VSIG4: variants seen among roughly 807,000 people sequenced by gnomAD.
VSIG4 encodes the protein V-set and immunoglobulin domain-containing protein 4.
VSIG4 carries 34 observed loss-of-function variants against 23.4 expected under a neutral mutation model. That is an observed-to-expected ratio of 1.45 (90% CI 1.10 to 1.93). The LOEUF (loss-of-function observed/expected upper bound fraction) is 1.93. VSIG4 is among the 30% of genes most tolerant of loss of function. The probability of loss-of-function intolerance (pLI) is 0.00; values close to 1 mark genes in which losing one functional copy is unlikely to be tolerated. For missense variants in VSIG4, 433 were observed against 310.8 expected (o/e 1.39, Z -2.96); for synonymous variants, 169 against 120.3 (o/e 1.41, Z -2.65).
In VSIG4 at chrX:66,033,763, G is replaced by A; in HGVS notation, c.123C>T (p.Cys41=). ...TGTAGCCTTGCAGGGGGTCATAGGT[G>A]CAGGGAAGATTCACATCCCCTTTCC... ...GPWKGDVNLP[C]TYDPLQGYTQ... Residue 41 remains cysteine, a synonymous_variant, in exon 2 of 8, where the codon TGC becomes TGT. Transcript: ENST00000374737. The A allele has an allele frequency of 8.3e-7, 1 of 1,211,463 alleles. No individual in the cohort carries two copies. The highest frequency in any genetic ancestry group is 1.8e-5 in the South Asian group (1 of 56,965).
At position 66,032,549 on chromosome X, in the gene VSIG4, C is replaced by A; in HGVS notation, c.613G>T (p.Asp205Tyr). The A allele has an allele frequency of 8.3e-7, 1 of 1,211,306 alleles. No individual in the cohort carries two copies. The highest frequency in any genetic ancestry group is 1.1e-6 in the Non-Finnish European group (1 of 895,145). ...GCAGTGCAGAAATAGGAGCCTGAGT[C>A]GGCTATCACCGCAGGCTTGAAGAGT... ...TLLFKPAVIA[D>Y]SGSYFCTAKG... Residue 205 changes from aspartate to tyrosine, a missense_variant, in exon 3 of 8, where the codon GAC becomes TAC. By Grantham distance (160) the Asp-to-Tyr change is radical. Transcript: ENST00000374737.
In VSIG4 at chrX:66,025,061, C is replaced by T. The variant is rs749684558; in HGVS notation, c.904G>A (p.Ala302Thr). Reference protein sequence around the residue: ...SLCCMVVFTMAYIMLCRKTSQ... With the variant: ...SLCCMVVFTMTYIMLCRKTSQ... ...GTCTTCCGACAGAGCATGATATAGG[C>T]CATGGTAAAAACCACCATACAGCAC... Residue 302 changes from alanine (A) to threonine (T), a missense_variant, in exon 6 of 8, where the codon GCC (alanine) becomes ACC (threonine). Coordinates refer to ENST00000374737, the MANE Select transcript of VSIG4 (RefSeq NM_007268.3). The T allele has an allele frequency of 1.7e-6, 2 of 1,206,083 alleles. No homozygotes were observed. Among genetic ancestry groups the T allele is most frequent in the Middle Eastern group, 4.6e-4 (2 of 4,339 alleles).
At chrX:66,038,036 C>G (rs962131736) in intron 1 of VSIG4, among the ~76,000 whole-genome samples, 1 of 110,930 alleles carries the variant, frequency 9.0e-6, no homozygotes, top group East Asian at 2.8e-4. Context: ...GCTTCTCTCC[C>G]TTTCCTGGAA....
intron 2 of VSIG4, among the ~76,000 whole-genome samples, chrX:66,033,012 GTTCTGGGGCTCAAGTAGAGC>G (rs931803162): frequency 1.8e-5 from 2 of 111,584 alleles, no homozygotes; most frequent in African/African-American, 6.5e-5. Context: ...AATGTAGTTT[GTTCTGGGGCTCAAGTAGAGC>G]TTTTGATTAC....
chrX:66,029,544 G>A lies in VSIG4; in HGVS notation c.695-1432C>T, dbSNP rs781063627. On this transcript the variant is annotated intron_variant, in intron 3 of 7. Coordinates refer to ENST00000374737, the MANE Select transcript of VSIG4 (RefSeq NM_007268.3). ...TATATACTCAATAAATATTGAATAAGTTGATGACTTCGTAAGAATGTATGA... is the reference window on the plus strand; with the variant it reads ...TATATACTCAATAAATATTGAATAAATTGATGACTTCGTAAGAATGTATGA... Among the ~76,000 whole-genome samples, 7 of 111,480 alleles carry A rather than the reference G, an allele frequency of 6.3e-5. No homozygotes were observed. In the South Asian group the frequency reaches 1.5e-3, roughly 24 times the overall value.
intron 1 of VSIG4, among the ~76,000 whole-genome samples, chrX:66,036,043 AG>A (rs2085534547): frequency 8.9e-6 from 1 of 111,846 alleles, no homozygotes; most frequent in African/African-American, 3.3e-5. Context: ...TTCTGGAAGT[AG>A]GTCAGGCTTA....
At chrX:66,036,961 T>A (rs867849570) in intron 1 of VSIG4, among the ~76,000 whole-genome samples, 13 of 23,219 alleles carry the variant, frequency 5.6e-4, no homozygotes, top group East Asian at 1.3e-3. Flanking sequence ...TATATTATAT[T>A]ATATAATATA....
rs188431425 is a variant in VSIG4, at chrX:66,022,650, C to T, written c.963-150G>A. On this transcript the variant is annotated intron_variant, in intron 7 of 7. Coordinates refer to ENST00000374737, the MANE Select transcript of VSIG4 (RefSeq NM_007268.3). ...AGAAGGCAGATGGATCTAAATTATC[C>T]TTTGTGTTCAGAGGGCCAAAACAAC... The T allele has an allele frequency of 8.6e-4, 968 of 1,124,012 alleles. 3 individuals carry two copies. The African/African-American group carries it at 0.016, about 19-fold the overall frequency. 92.6% of individuals were successfully genotyped at this position (1,124,012 alleles called of 1,213,427 possible).
rs1245926559 is a variant in VSIG4, at chrX:66,036,684, C to T, written c.56-2854G>A. ...ATAATATAATATAATATATATAATA[C>T]GATATATTATTAATATATTATAATT... On this transcript the variant is annotated intron_variant, in intron 1 of 7. Transcript: ENST00000374737. Among the ~76,000 whole-genome samples the T allele has an allele frequency of 8.3e-3, 368 of 44,543 alleles. 5 individuals carry two copies. The highest frequency in any genetic ancestry group is 0.03 in the African/African-American group (336 of 11,360). 38.7% of individuals were successfully genotyped at this position (44,543 alleles called of 115,157 possible).
rs759917789 is a variant in VSIG4, at chrX:66,039,912, C to A, written c.55+32G>T. On this transcript the variant is annotated intron_variant, in intron 1 of 7. Coordinates refer to ENST00000374737, the MANE Select transcript of VSIG4 (RefSeq NM_007268.3). ...CCCTCTAGCCTTTTGCCTAAGCCAG[C>A]AATGGCAGCCAGGCCCCCCTTTCTG... 6.6e-6 allele frequency: 8 copies of A among 1,207,719 alleles called. No individual in the cohort carries two copies. In the Admixed American group the frequency reaches 1.3e-4, roughly 20 times the overall value.
At chrX:66,024,968 G>A in intron 6 of VSIG4, 57 bp downstream of exon 6, 1 of 901,948 alleles carries the variant, frequency 1.1e-6, no homozygotes, top group Non-Finnish European at 1.5e-6. Flanking sequence ...TTAGGCTCAA[G>A]TATACTGACA....
intron 5 of VSIG4, among the ~76,000 whole-genome samples, chrX:66,025,375 T>C (rs2085378716): frequency 8.9e-6 from 1 of 112,084 alleles, no homozygotes; most frequent in Non-Finnish European, 1.9e-5. Flanking sequence ...TTTGAGCTAG[T>C]TGTCTATGCT....
chrX:66,024,981 A>G, intron 6 of VSIG4, 44 bp downstream of exon 6: 1 of 987,972 alleles, frequency 1.0e-6, no homozygotes, highest in Non-Finnish European at 1.4e-6. Context: ...TACTGACAGA[A>G]AGAACAAATG....
At chrX:66,025,482 T>A (rs767229130) in intron 5 of VSIG4, among the ~76,000 whole-genome samples, 1 of 112,323 alleles carries the variant, frequency 8.9e-6, no homozygotes, top group South Asian at 3.6e-4. Flanking sequence ...ACATACCTTA[T>A]TAAGATTCTG....
intron 5 of VSIG4, 120 bp downstream of exon 5, chrX:66,027,329 G>T: frequency 1.6e-6 from 1 of 612,428 alleles, no homozygotes; most frequent in Non-Finnish European, 2.7e-6. Flanking sequence ...CCATTGCTTG[G>T]CACATAGCAG....
intron 1 of VSIG4, among the ~76,000 whole-genome samples, chrX:66,037,705 T>A (rs1025403075): frequency 8.5e-5 from 8 of 94,645 alleles, no homozygotes; most frequent in African/African-American, 3.1e-4. Context: ...ATTATACTTA[T>A]TACTGATAAG....
At chrX:66,037,372 AATATAAT>A (rs1248100193) in intron 1 of VSIG4, among the ~76,000 whole-genome samples, 2 of 23,507 alleles carry the variant, frequency 8.5e-5, no homozygotes, top group Non-Finnish European at 1.2e-4. Context: ...ATAATAATAT[AATATAAT>A]ATATAATATA....
chrX:66,032,126 C>T lies in VSIG4; in HGVS notation c.694+342G>A, dbSNP rs139848192. Among the ~76,000 whole-genome samples, 986 of 111,764 alleles carry T rather than the reference C, an allele frequency of 8.8e-3. 9 individuals are homozygous for T. The highest frequency in any genetic ancestry group is 0.031 in the African/African-American group (947 of 30,717). On this transcript the variant is annotated intron_variant, in intron 3 of 7. Coordinates refer to ENST00000374737, the MANE Select transcript of VSIG4 (RefSeq NM_007268.3). ...AGATTCCCCTTTCTGACTCTGTTTC[C>T]TCTTCTGTAAAGTAAGAGTAATGAT...
chrX:66,032,426 G>A (rs2085473999), intron 3 of VSIG4, 42 bp downstream of exon 3: 2 of 1,178,841 alleles, frequency 1.7e-6, no homozygotes, highest in Non-Finnish European at 2.3e-6. Flanking sequence ...TTTGTTTCAA[G>A]CTTGTGTGTT....
Sources: gnomAD v4.1 joint callset for allele counts (sites outside exome capture counted in the v4.1 genomes callset) on GRCh38, gnomAD v4.1.1 for gene constraint, MANE v1.5 for transcripts, NCBI Gene and HGNC (gene_info 2026-07-23, HGNC 2026-07-21) for gene names.